Variants in SEM1 observed in about 807,000 individuals in gnomAD.
SEM1 encodes the protein SEM1 26S proteasome subunit.
Under a neutral mutation model 12.7 loss-of-function variants are expected in SEM1, and 3 were observed. The observed-to-expected ratio is 0.24, with a 90% CI of 0.11 to 0.61. The LOEUF is 0.61. Ranked by LOEUF, SEM1 falls within the 20% of genes least tolerant of loss-of-function variation. The pLI is 0.88. For synonymous variants in SEM1, 30 were observed against 27.8 expected (o/e 1.08, Z -0.25); for missense variants, 59 against 81.3 (o/e 0.73, Z 1.06).
At chr7:96,580,996 G>A (rs1385641886) in intron 2 of SEM1, among the ~76,000 whole-genome samples, 1 of 152,156 alleles carries the variant, frequency 6.6e-6, no homozygotes, top group Admixed American at 6.5e-5. Context: ...TGTCAATTTT[G>A]TCTTTTGTTG....
At chr7:96,494,934 A>G (rs1454220510) in intron 1 of SEM1, among the ~76,000 whole-genome samples, 1 of 129,744 alleles carries the variant, frequency 7.7e-6, no homozygotes, top group Non-Finnish European at 1.6e-5. Context: ...GGAGAATAGC[A>G]TTGGAAGATT....
At chr7:96,585,848 C>G (rs1247511729) in intron 2 of SEM1, among the ~76,000 whole-genome samples, 5 of 152,196 alleles carry the variant, frequency 3.3e-5, no homozygotes, top group Non-Finnish European at 7.3e-5. Context: ...CGCGCACCCA[C>G]TGACCTGCGC....
At chr7:96,534,054 T>C (rs1380747464) in intron 2 of SEM1, among the ~76,000 whole-genome samples, 1 of 152,090 alleles carries the variant, frequency 6.6e-6, no homozygotes, top group Non-Finnish European at 1.5e-5. Context: ...TATGCAGATA[T>C]CTGAGTTGAG....
intron 2 of SEM1, among the ~76,000 whole-genome samples, chr7:96,550,334 G>C (rs539016654): frequency 8.9e-4 from 136 of 152,252 alleles, no homozygotes; most frequent in Admixed American, 1.6e-3. Flanking sequence ...CTTTAGAATA[G>C]CTAAGTACTA....
At chr7:96,551,133 C>T (rs1805254781) in intron 2 of SEM1, among the ~76,000 whole-genome samples, 2 of 152,010 alleles carry the variant, frequency 1.3e-5, no homozygotes, top group African/African-American at 4.8e-5. Context: ...AGGTCTGACA[C>T]ACATGAAAGG....
chr7:96,678,550 A>G (rs1789514302), intron 2 of SEM1, among the ~76,000 whole-genome samples: 1 of 152,134 alleles, frequency 6.6e-6, no homozygotes, highest in Non-Finnish European at 1.5e-5. Context: ...CAAGTTTTCA[A>G]ATGAAATCGT....
chr7:96,565,902 G>C (rs1805830598), intron 2 of SEM1, among the ~76,000 whole-genome samples: 1 of 151,764 alleles, frequency 6.6e-6, no homozygotes, highest in Non-Finnish European at 1.5e-5. Flanking sequence ...CATTATCCTT[G>C]TCATGTTGGA....
intron 2 of SEM1, among the ~76,000 whole-genome samples, chr7:96,639,001 TG>T (rs1469233379): frequency 1.3e-5 from 2 of 151,982 alleles, no homozygotes; most frequent in Non-Finnish European, 2.9e-5. Context: ...TTTATTCTTG[TG>T]AAAATTGAAT....
intron 1 of SEM1, among the ~76,000 whole-genome samples, chr7:96,700,440 A>G (rs1790235304): frequency 6.6e-6 from 1 of 152,048 alleles, no homozygotes; most frequent in Non-Finnish European, 1.5e-5. Flanking sequence ...ACCCAAATCT[A>G]TGTATATTCA....
intron 2 of SEM1, among the ~76,000 whole-genome samples, chr7:96,584,935 A>C (rs1425761663): frequency 4.6e-5 from 7 of 150,648 alleles, no homozygotes; most frequent in African/African-American, 7.4e-5. Flanking sequence ...AGCTCGGAGT[A>C]ATTTGATCGT....
chr7:96,706,570 C>CAAAAAAAAAAAAAA (rs67892273), intron 1 of SEM1, among the ~76,000 whole-genome samples: 3 of 78,068 alleles, frequency 3.8e-5, no homozygotes, highest in African/African-American at 1.5e-4. Flanking sequence ...CTCAAACAAA[C>CAAAAAAAAAAAAAA]AAAAAAAAAA....
chr7:96,494,807 A>G (rs970914219), intron 1 of SEM1, among the ~76,000 whole-genome samples: 2 of 149,330 alleles, frequency 1.3e-5, no homozygotes, highest in Non-Finnish European at 3.0e-5. Context: ...CCATAGAAAT[A>G]TTGTGAAATT....
intron 2 of SEM1, among the ~76,000 whole-genome samples, chr7:96,659,820 A>G (rs1272237297): frequency 6.6e-6 from 1 of 151,926 alleles, no homozygotes; most frequent in Non-Finnish European, 1.5e-5. Context: ...GAATAAATAA[A>G]CAAAATATCC....
intron 2 of SEM1, among the ~76,000 whole-genome samples, chr7:96,678,324 T>C (rs1219879354): frequency 6.6e-6 from 1 of 152,104 alleles, no homozygotes; most frequent in Non-Finnish European, 1.5e-5. Context: ...ATCCATCCAA[T>C]TCTATAAGTC....
At chr7:96,531,956 C>T (rs2115723535) in intron 2 of SEM1, among the ~76,000 whole-genome samples, 1 of 152,144 alleles carries the variant, frequency 6.6e-6, no homozygotes, top group South Asian at 2.1e-4. Flanking sequence ...TTCATCTGCT[C>T]TGTGAAGACT....
intron 1 of SEM1, among the ~76,000 whole-genome samples, chr7:96,702,292 A>G (rs1188499293): frequency 6.6e-6 from 1 of 152,178 alleles, no homozygotes; most frequent in Non-Finnish European, 1.5e-5. Flanking sequence ...AGTTCCTTCC[A>G]CTTAGAGGGT....
chr7:96,505,246 T>G (rs1184926124), intron 3 of SEM1, among the ~76,000 whole-genome samples: 1 of 151,898 alleles, frequency 6.6e-6, no homozygotes, highest in Non-Finnish European at 1.5e-5. Flanking sequence ...GGATTACAGA[T>G]GCACACCACC....
chr7:96,541,431 G>GTTT (rs55863103), intron 2 of SEM1, among the ~76,000 whole-genome samples: 4 of 121,486 alleles, frequency 3.3e-5, no homozygotes, highest in African/African-American at 1.5e-4. Context: ...TTTTTAATGG[G>GTTT]TTTTTTTTTT....
intron 2 of SEM1, chr7:96,637,240 A>G (rs752181285): frequency 6.6e-6 from 1 of 152,042 alleles, no homozygotes; most frequent in Non-Finnish European, 1.5e-5. Flanking sequence ...CATTACTCAC[A>G]TGTCTCTTCT....
Sources: gnomAD v4.1 joint callset for allele counts (sites outside exome capture counted in the v4.1 genomes callset) on GRCh38, gnomAD v4.1.1 for gene constraint, MANE v1.5 for transcripts, NCBI Gene and HGNC (gene_info 2026-07-23, HGNC 2026-07-21) for gene names.